Variants in SH3BGRL2 observed in about 807,000 individuals in gnomAD.
The protein encoded by SH3BGRL2 is SH3 domain-binding glutamic acid-rich-like protein 2.
SH3BGRL2 carries 21 observed loss-of-function variants against 14.8 expected under a neutral mutation model. The ratio of observed to expected loss-of-function variants is 1.42; its 90% CI spans 1.01 to 2.05. SH3BGRL2 has a LOEUF of 2.05. Ranked by LOEUF, SH3BGRL2 falls within the 30% of genes most tolerant of loss-of-function variation. The pLI is 0.00. For synonymous variants in SH3BGRL2, 50 were observed against 47.8 expected (o/e 1.05, Z -0.19); for missense variants, 147 against 130.8 (o/e 1.12, Z -0.61).
chr6:79,545,117 C>G, the SH3BGRL2 span, among the ~76,000 whole-genome samples: 1 of 152,134 alleles, frequency 6.6e-6, no homozygotes, highest in Admixed American at 6.5e-5. Context: ...CTCATGTCTC[C>G]CTGTATTTAA....
At chr6:79,691,891 A>G (rs2127738576) in intron 2 of SH3BGRL2, among the ~76,000 whole-genome samples, 1 of 151,994 alleles carries the variant, frequency 6.6e-6, no homozygotes, top group East Asian at 1.9e-4. Flanking sequence ...TGGCTGGGTC[A>G]AATGGTATTT....
the SH3BGRL2 span, among the ~76,000 whole-genome samples, chr6:79,616,744 G>A: frequency 1.4e-4 from 21 of 152,308 alleles, no homozygotes; most frequent in African/African-American, 4.8e-4. Flanking sequence ...CCATTCAGGG[G>A]TAGGACAAGA....
chr6:79,567,747 AC>A, the SH3BGRL2 span, among the ~76,000 whole-genome samples: 1 of 152,256 alleles, frequency 6.6e-6, no homozygotes, highest in South Asian at 2.1e-4. Context: ...GATAAATACA[AC>A]TATCAAAATT....
chr6:79,603,205 A>C, the SH3BGRL2 span, among the ~76,000 whole-genome samples: 2 of 152,138 alleles, frequency 1.3e-5, no homozygotes, highest in South Asian at 4.1e-4. Context: ...TAAAAGGGTG[A>C]CTCTAAGTAA....
chr6:79,538,763 AATGAAACCACCATTT>A, the SH3BGRL2 span, among the ~76,000 whole-genome samples: 1 of 152,238 alleles, frequency 6.6e-6, no homozygotes, highest in African/African-American at 2.4e-5. Flanking sequence ...GAGAGCTGAG[AATGAAACCACCATTT>A]ATTCAGCACT....
intron 1 of SH3BGRL2, among the ~76,000 whole-genome samples, chr6:79,639,277 A>G (rs1234900590): frequency 6.6e-6 from 1 of 152,206 alleles, no homozygotes; most frequent in Non-Finnish European, 1.5e-5. Flanking sequence ...ACTGATCACT[A>G]TATATGAAAG....
Position 79,692,676 on chromosome 6 carries a change from G to A in SH3BGRL2, c.232-3809G>A, listed in dbSNP as rs1385050169. 1.2e-4 allele frequency among the ~76,000 whole-genome samples: 18 copies of A among 152,220 alleles called. No individual in the cohort carries two copies. The East Asian group carries it at 3.5e-3, about 29-fold the overall frequency. On this transcript the variant is annotated intron_variant, in intron 2 of 3. Coordinates refer to ENST00000369838, the MANE Select transcript of SH3BGRL2 (RefSeq NM_031469.4). ...AAGATCAGATGGTTGTAGATATGTG[G>A]CATTATTTCTGAGAGCTCTGTTCTG...
intron 2 of SH3BGRL2, among the ~76,000 whole-genome samples, chr6:79,694,903 C>CT (rs941299952): frequency 6.6e-6 from 1 of 152,044 alleles, no homozygotes; most frequent in African/African-American, 2.4e-5. Flanking sequence ...TTTTGCTGCC[C>CT]TTTTTTTGAG....
chr6:79,628,003 A>G (rs1768762727), upstream of SH3BGRL2, among the ~76,000 whole-genome samples: 1 of 152,204 alleles, frequency 6.6e-6, no homozygotes, highest in Admixed American at 6.5e-5. Flanking sequence ...GAAAGTAGTT[A>G]AGCCATTGTA....
chr6:79,582,964 T>G, the SH3BGRL2 span, among the ~76,000 whole-genome samples: 1 of 152,074 alleles, frequency 6.6e-6, no homozygotes. Flanking sequence ...CATCAAAAAG[T>G]GGGCAAAGGA....
intron 1 of SH3BGRL2, among the ~76,000 whole-genome samples, chr6:79,667,109 G>A (rs1769675937): frequency 2.6e-5 from 4 of 152,206 alleles, no homozygotes; most frequent in Admixed American, 2.6e-4. Flanking sequence ...GAGTTTTACT[G>A]AACCAAGAAT....
the SH3BGRL2 span, among the ~76,000 whole-genome samples, chr6:79,546,956 A>G: frequency 6.6e-6 from 1 of 152,152 alleles, no homozygotes; most frequent in Non-Finnish European, 1.5e-5. Context: ...CTGGGACCAC[A>G]GGCGTGAGCC....
the SH3BGRL2 span, among the ~76,000 whole-genome samples, chr6:79,601,587 C>A: frequency 6.6e-6 from 1 of 152,150 alleles, no homozygotes; most frequent in African/African-American, 2.4e-5. Context: ...CCCTTTAAAA[C>A]AAAGTTAAAC....
At chr6:79,675,149 G>A (rs948937584) in intron 2 of SH3BGRL2, among the ~76,000 whole-genome samples, 5 of 152,120 alleles carry the variant, frequency 3.3e-5, no homozygotes, top group African/African-American at 1.2e-4. Context: ...AAGTCAAATA[G>A]TGCTAGAAGG....
At chr6:79,604,332 C>A in the SH3BGRL2 span, among the ~76,000 whole-genome samples, 2 of 152,248 alleles carry the variant, frequency 1.3e-5, no homozygotes, top group Non-Finnish European at 2.9e-5. Context: ...CTTCCACTTT[C>A]TCACCTCCAA....
chr6:79,591,628 G>C, the SH3BGRL2 span, among the ~76,000 whole-genome samples: 1 of 152,082 alleles, frequency 6.6e-6, no homozygotes, highest in African/African-American at 2.4e-5. Context: ...GGATGGTCTC[G>C]ATCTCCTGAC....
chr6:79,653,831 G>A (rs1325631786), intron 1 of SH3BGRL2, among the ~76,000 whole-genome samples: 1 of 152,212 alleles, frequency 6.6e-6, no homozygotes, highest in Non-Finnish European at 1.5e-5. Flanking sequence ...GTTGGCCAGG[G>A]TGACTGAGCC....
At chr6:79,658,884 G>T (rs1299484567) in intron 1 of SH3BGRL2, among the ~76,000 whole-genome samples, 2 of 152,192 alleles carry the variant, frequency 1.3e-5, no homozygotes, top group African/African-American at 4.8e-5. Flanking sequence ...GCATTTCTCT[G>T]ACGACCAGTG....
At chr6:79,644,973 A>G (rs1351883269) in intron 1 of SH3BGRL2, among the ~76,000 whole-genome samples, 1 of 152,104 alleles carries the variant, frequency 6.6e-6, no homozygotes, top group Non-Finnish European at 1.5e-5. Context: ...CAGCCTGGCC[A>G]AAGTGGTGAA....
Sources: gnomAD v4.1 joint callset for allele counts (sites outside exome capture counted in the v4.1 genomes callset) on GRCh38, gnomAD v4.1.1 for gene constraint, MANE v1.5 for transcripts, NCBI Gene and HGNC (gene_info 2026-07-23, HGNC 2026-07-21) for gene names.